CTTN: variants seen among roughly 807,000 people sequenced by gnomAD.
The protein encoded by CTTN is src substrate cortactin.
A neutral mutation model predicts 84.0 loss-of-function variants in CTTN; 28 were observed. The ratio of observed to expected loss-of-function variants is 0.33; its 90% CI spans 0.25 to 0.46. The LOEUF (loss-of-function observed/expected upper bound fraction) is 0.46. Among genes scored for constraint, CTTN ranks in the 20% least tolerant of loss-of-function variants. CTTN has a pLI of 1.00. For synonymous variants in CTTN, 301 were observed against 288.8 expected (o/e 1.04, Z -0.43); for missense variants, 641 against 723.8 (o/e 0.89, Z 1.31).
intron 17 of CTTN, among the ~76,000 whole-genome samples, chr11:70,434,019 G>T (rs925792930): frequency 3.9e-5 from 6 of 152,184 alleles, no homozygotes; most frequent in African/African-American, 1.4e-4. Flanking sequence ...CAAGATCAAA[G>T]ATGCTGTCCC....
intron 10 of CTTN, 127 bp from the exon 11 acceptor site, chr11:70,421,343 C>G (rs1325514872): frequency 1.4e-6 from 1 of 733,880 alleles, no homozygotes; most frequent in Non-Finnish European, 2.5e-6. Context: ...ATCTCAAAGG[C>G]CCTAAGCTCA....
At chr11:70,422,457 A>G in intron 11 of CTTN, 1 of 1,236,164 alleles carries the variant, frequency 8.1e-7, no homozygotes. Context: ...GCTGCAACGG[A>G]AGTCTTTGGC....
At position 70,419,833 on chromosome 11, in the gene CTTN, C is replaced by A; in HGVS notation, c.656C>A (p.Thr219Lys). ...GTTGGCTTTGAGTATCAAGGCAAAA[C>A]GGAGAAGCACGAGTCCCAGAAAGGT... Reference protein sequence around the residue: ...SAVGFEYQGKTEKHESQKDYV... With the variant: ...SAVGFEYQGKKEKHESQKDYV... The change falls in exon 9 of 18, where the codon ACG becomes AAG. Residue 219 changes from threonine (T) to lysine (K), a missense_variant. Physicochemically the swap from Thr to Lys is moderately conservative, Grantham distance 78. This residue lies in a region of CTTN where 284 missense variants were observed against 348.4 expected (regional missense o/e 0.82). Transcript: ENST00000301843. 1 of 1,613,198 alleles carries A rather than the reference C, an allele frequency of 6.2e-7. No homozygotes were observed.
chr11:70,428,517 G>T (rs776684232), intron 13 of CTTN, among the ~76,000 whole-genome samples: 2 of 151,906 alleles, frequency 1.3e-5, no homozygotes, highest in Non-Finnish European at 2.9e-5. Flanking sequence ...TAGACACGGG[G>T]TCTCACTGTC....
At chr11:70,422,343 A>G (rs1326722405) in intron 11 of CTTN, 1 of 414,742 alleles carries the variant, frequency 2.4e-6, no homozygotes, top group African/African-American at 2.1e-5. Flanking sequence ...AGGTGTGGGC[A>G]GGTAGACACA....
intron 5 of CTTN, among the ~76,000 whole-genome samples, chr11:70,412,162 G>C (rs11828014): frequency 0.11 from 16,436 of 152,190 alleles, 3,017 homozygotes; most frequent in African/African-American, 0.38. Flanking sequence ...GTACGGGACT[G>C]GCACCTGTAA....
Position 70,407,342 on chromosome 11 carries a change from T to G in CTTN, c.45T>G (p.Asp15Glu), listed in dbSNP as rs1409113602. 6.4e-7 allele frequency: 1 copy of G among 1,562,864 alleles called. No individual in the cohort carries two copies. The change falls in exon 3 of 18, where the codon GAT (aspartate) becomes GAG (glutamate). Residue 15 changes from aspartate to glutamate, a missense_variant. This residue lies in a region of CTTN where 284 missense variants were observed against 348.4 expected (regional missense o/e 0.82). Coordinates refer to ENST00000301843, the MANE Select transcript of CTTN (RefSeq NM_005231.4). ...GCCACGCTGTGTCCATCGCCCAGGA[T>G]GACGCGGGGGCCGATGACTGGGAGA... ...SAGHAVSIAQDDAGADDWETD... is the reference protein window; with the variant it reads ...SAGHAVSIAQEDAGADDWETD...
chr11:70,420,844 G>A (rs1480451351), intron 10 of CTTN, among the ~76,000 whole-genome samples: 1 of 151,774 alleles, frequency 6.6e-6, no homozygotes. Context: ...CGGGAGTGGG[G>A]GCATGTGTCA....
In CTTN at chr11:70,429,094, C is replaced by T. The variant is rs1412317893; in HGVS notation, c.1071C>T (p.Leu357=). ...ACATCAGAGCTAACTTTGAAAACCT[C>T]GCTAAGGAGAAAGAGCAGGAGGACA... ...TSNIRANFEN[L]AKEKEQEDRR... The change falls in exon 14 of 18, where the codon CTC becomes CTT. Residue 357 remains leucine, a synonymous_variant. Transcript: ENST00000301843. The T allele has an allele frequency of 9.3e-6, 15 of 1,614,190 alleles. No homozygotes were observed. The highest frequency in any genetic ancestry group is 1.7e-4 in the Middle Eastern group (1 of 6,056).
chr11:70,421,824 G>T (rs1267434936), intron 11 of CTTN: 2 of 493,354 alleles, frequency 4.1e-6, no homozygotes, highest in Middle Eastern at 5.3e-4. Flanking sequence ...TAGTGTGTGG[G>T]TGCCATCTTT....
intron 4 of CTTN, among the ~76,000 whole-genome samples, chr11:70,409,542 T>C (rs2058077297): frequency 6.6e-6 from 1 of 152,134 alleles, no homozygotes; most frequent in South Asian, 2.1e-4. Context: ...AGGTCAGGCT[T>C]CAGTAGAGCC....
chr11:70,402,369 C>T (rs1401347415), intron 1 of CTTN, among the ~76,000 whole-genome samples: 1 of 152,104 alleles, frequency 6.6e-6, no homozygotes, highest in Admixed American at 6.5e-5. Context: ...AGTGTGTACT[C>T]TCCACTGGTT....
chr11:70,401,034 T>C (rs1028326566), intron 1 of CTTN, among the ~76,000 whole-genome samples: 1 of 152,194 alleles, frequency 6.6e-6, no homozygotes, highest in Admixed American at 6.5e-5. Context: ...TTCTGTCCTG[T>C]CATTTAAAAC....
At chr11:70,409,998 G>A (rs1472237549) in intron 5 of CTTN, 38 bp downstream of exon 5, 3 of 1,612,634 alleles carry the variant, frequency 1.9e-6, no homozygotes, top group Admixed American at 1.7e-5. Flanking sequence ...GGCTCCTGGT[G>A]TGCTTGGACC....
intron 1 of CTTN, among the ~76,000 whole-genome samples, chr11:70,402,987 A>G (rs892100349): frequency 2.0e-5 from 3 of 151,974 alleles, no homozygotes; most frequent in African/African-American, 7.3e-5. Flanking sequence ...TGGCTGTTTT[A>G]TTTTAGTCAT....
chr11:70,434,630 G>A lies in CTTN; in HGVS notation c.1517-396G>A, dbSNP rs148717999. Among the ~76,000 whole-genome samples the A allele has an allele frequency of 3.1e-3, 470 of 152,326 alleles. 4 individuals are homozygous for A. The highest frequency in any genetic ancestry group is 0.011 in the African/African-American group (450 of 41,574). The stretch of plus-strand genomic sequence containing the variant: ...CCATTCCCATTTCAGCCATCACCTC[G>A]GGCTTCTCTCCGGGTGTCCCCTGGC... On this transcript the variant is annotated intron_variant, in intron 17 of 17. Transcript: ENST00000301843.
At chr11:70,427,237 C>CTT (rs1372037600) in intron 13 of CTTN, among the ~76,000 whole-genome samples, 1 of 152,082 alleles carries the variant, frequency 6.6e-6, no homozygotes, top group South Asian at 2.1e-4. Flanking sequence ...GTAATCCCAG[C>CTT]TACTCAGAAG....
intron 5 of CTTN, among the ~76,000 whole-genome samples, chr11:70,411,715 C>T (rs1189509607): frequency 4.6e-5 from 7 of 152,124 alleles, no homozygotes; most frequent in Non-Finnish European, 7.4e-5. Flanking sequence ...GAATCTCGCT[C>T]ACCCTAGAAC....
chr11:70,429,338 C>A, intron 14 of CTTN, 139 bp downstream of exon 14: 1 of 933,318 alleles, frequency 1.1e-6, no homozygotes. Context: ...TCCTTTAAGG[C>A]TCTCCATTAA....
Sources: allele counts gnomAD v4.1 joint callset (sites outside exome capture counted in the v4.1 genomes callset), GRCh38; gene constraint gnomAD v4.1.1; regional missense constraint gnomAD v4.1.1; transcripts MANE v1.5; gene names NCBI Gene and HGNC (gene_info 2026-07-23, HGNC 2026-07-21).